PKIG: variants seen among roughly 807,000 people sequenced by gnomAD.
PKIG encodes protein kinase (cAMP-dependent, catalytic) inhibitor gamma.
In PKIG, 1 loss-of-function variant was observed where a neutral mutation model predicts 6.8. That is an observed-to-expected ratio of 0.15 (90% CI 0.05 to 0.69). The LOEUF is 0.69. Ranked by LOEUF, PKIG falls within the 30% of genes least tolerant of loss-of-function variation. The probability of loss-of-function intolerance (pLI) is 0.82; values close to 1 mark genes in which losing one functional copy is unlikely to be tolerated. For missense variants in PKIG, 77 were observed against 104.0 expected (o/e 0.74, Z 1.13); for synonymous variants, 39 against 43.0 (o/e 0.91, Z 0.36).
At chr20:44,542,059 G>A (rs966829678) in intron 1 of PKIG, among the ~76,000 whole-genome samples, 3 of 152,188 alleles carry the variant, frequency 2.0e-5, no homozygotes, top group African/African-American at 7.2e-5. Context: ...AACTGAAAAT[G>A]AAAATGATAT....
At chr20:44,570,131 G>A (rs774114995) in intron 1 of PKIG, among the ~76,000 whole-genome samples, 4 of 152,072 alleles carry the variant, frequency 2.6e-5, no homozygotes, top group Non-Finnish European at 4.4e-5. Flanking sequence ...ACCCTGTCTC[G>A]AATGAATCAA....
intron 2 of PKIG, among the ~76,000 whole-genome samples, chr20:44,595,239 T>C (rs1027910675): frequency 1.3e-5 from 2 of 152,222 alleles, no homozygotes; most frequent in South Asian, 2.1e-4. Context: ...TATATACTTT[T>C]CTGGGCAAAG....
intron 1 of PKIG, among the ~76,000 whole-genome samples, chr20:44,533,196 G>A (rs1195831011): frequency 2.0e-5 from 3 of 152,096 alleles, no homozygotes; most frequent in Admixed American, 6.6e-5. Context: ...CAGTGTGTGC[G>A]TGTATGTATT....
At position 44,560,804 on chromosome 20, in the gene PKIG, A is replaced by G. The variant is rs570151400; in HGVS notation, c.-240-21781A>G. Among the ~76,000 whole-genome samples the G allele has an allele frequency of 2.6e-4, 39 of 152,312 alleles. 1 individual carries two copies. Among genetic ancestry groups the G allele is most frequent in the African/African-American group, 3.6e-4 (15 of 41,574 alleles). On this transcript the variant is annotated intron_variant, in intron 1 of 4. Transcript: ENST00000372887. ...CAGGCAGCTGGCAGAAGCAAATGCA[A>G]ATTTTCTCTCGAGGAAGATGTTATC...
intron 1 of PKIG, among the ~76,000 whole-genome samples, chr20:44,539,949 T>A (rs769730436): frequency 3.9e-5 from 6 of 152,044 alleles, no homozygotes; most frequent in Non-Finnish European, 7.4e-5. Context: ...ACTGATTACA[T>A]CTATTTATTT....
At chr20:44,556,192 A>G (rs533280622) in intron 1 of PKIG, among the ~76,000 whole-genome samples, 1 of 152,256 alleles carries the variant, frequency 6.6e-6, no homozygotes, top group African/African-American at 2.4e-5. Context: ...CAACTACATC[A>G]TTTATTACCT....
At chr20:44,600,007 G>C (rs931575871) in intron 2 of PKIG, among the ~76,000 whole-genome samples, 1 of 152,168 alleles carries the variant, frequency 6.6e-6, no homozygotes, top group African/African-American at 2.4e-5. Context: ...CCCTACAGGA[G>C]CCCCATGTCA....
intron 2 of PKIG, among the ~76,000 whole-genome samples, chr20:44,601,617 T>A (rs755881025): frequency 1.1e-4 from 16 of 152,224 alleles, no homozygotes; most frequent in Non-Finnish European, 1.9e-4. Flanking sequence ...CATTTCTGTT[T>A]CCACGGCCCT....
chr20:44,615,976 A>C (rs1159915167), intron 3 of PKIG, among the ~76,000 whole-genome samples: 1 of 151,990 alleles, frequency 6.6e-6, no homozygotes, highest in African/African-American at 2.4e-5. Flanking sequence ...CCCATAATCT[A>C]TTCATTCTCC....
chr20:44,558,574 T>TTTTCTTTTTC (rs1555835147), intron 1 of PKIG, among the ~76,000 whole-genome samples: 25 of 132,002 alleles, frequency 1.9e-4, no homozygotes, highest in Admixed American at 7.3e-4. Context: ...TTTTTTTCTT[T>TTTTCTTTTTC]TTTCTTTCTT....
intron 2 of PKIG, among the ~76,000 whole-genome samples, chr20:44,606,264 A>G (rs1014095130): frequency 6.6e-6 from 1 of 152,166 alleles, no homozygotes; most frequent in Non-Finnish European, 1.5e-5. Flanking sequence ...GCTCAGGTTC[A>G]CTCCTAGGAG....
At chr20:44,601,448 T>C (rs1005158350) in intron 2 of PKIG, among the ~76,000 whole-genome samples, 1 of 152,236 alleles carries the variant, frequency 6.6e-6, no homozygotes, top group Non-Finnish European at 1.5e-5. Flanking sequence ...CACACATGGA[T>C]AGAACCGGCA....
chr20:44,577,737 C>T (rs1450307195), upstream of PKIG, among the ~76,000 whole-genome samples: 2 of 152,096 alleles, frequency 1.3e-5, no homozygotes, highest in African/African-American at 4.8e-5. Context: ...GGGTGATGAG[C>T]GATTGCACTG....
chr20:44,562,323 G>A (rs2064773772), intron 1 of PKIG, among the ~76,000 whole-genome samples: 1 of 151,874 alleles, frequency 6.6e-6, no homozygotes, highest in African/African-American at 2.4e-5. Flanking sequence ...CCAAAATCAA[G>A]AATGAAAAAG....
At chr20:44,558,981 T>TA (rs1401583782) in intron 1 of PKIG, among the ~76,000 whole-genome samples, 2 of 152,158 alleles carry the variant, frequency 1.3e-5, no homozygotes, top group African/African-American at 2.4e-5. Flanking sequence ...CCTTATCACT[T>TA]ATCACCTAAA....
intron 2 of PKIG, among the ~76,000 whole-genome samples, chr20:44,598,285 C>A (rs972800608): frequency 6.6e-6 from 1 of 152,192 alleles, no homozygotes; most frequent in African/African-American, 2.4e-5. Flanking sequence ...CCCTTTATAG[C>A]CTCATCTTGG....
intron 2 of PKIG, among the ~76,000 whole-genome samples, chr20:44,599,578 T>C (rs1342442439): frequency 1.3e-5 from 2 of 151,896 alleles, no homozygotes; most frequent in East Asian, 3.9e-4. Context: ...AAAAATTAGC[T>C]GGGCATGGTG....
At chr20:44,571,447 A>C (rs991501033) in intron 1 of PKIG, among the ~76,000 whole-genome samples, 5 of 152,102 alleles carry the variant, frequency 3.3e-5, no homozygotes, top group African/African-American at 9.7e-5. Context: ...CCTTTTAGGA[A>C]TCTCTTCTAT....
Position 44,614,658 on chromosome 20 carries a change from C to T in PKIG, c.102C>T (p.Ser34=), listed in dbSNP as rs780693773. 2 of 1,613,858 alleles carry T rather than the reference C, an allele frequency of 1.2e-6. No homozygotes were observed. The highest frequency in any genetic ancestry group is 1.3e-5 in the African/African-American group (1 of 74,898). ...TCCAGGGAGACTCAGAGGCTGTGAG[C>T]GTGAGGAAGCTGGCTGGAGACATGG... ...PDIQGDSEAV[S]VRKLAGDMGE... Residue 34 remains serine (S), a synonymous_variant, in exon 3 of 4, where the codon AGC becomes AGT. Coordinates refer to ENST00000372886, the MANE Select transcript of PKIG (RefSeq NM_001281445.2). The surrounding 1 kb of genome is among the most constrained non-coding windows in gnomAD (Gnocchi z 4.6).
Sources: gnomAD v4.1 joint callset for allele counts (sites outside exome capture counted in the v4.1 genomes callset) on GRCh38, gnomAD v4.1.1 for gene constraint, Gnocchi (gnomAD v3.1) non-coding constraint, MANE v1.5 for transcripts, NCBI Gene and HGNC (gene_info 2026-07-23, HGNC 2026-07-21) for gene names.